The following ARL15 variants were observed in gnomAD, a reference collection of about 807,000 sequenced individuals.
ARL15 encodes ADP-ribosylation factor-like protein 15.
ARL15 carries 19 observed loss-of-function variants against 25.2 expected under a neutral mutation model. The ratio of observed to expected loss-of-function variants is 0.75; its 90% CI spans 0.53 to 1.10. The LOEUF is 1.10. ARL15 is among the 50% of genes least tolerant of loss of function. ARL15 has a pLI of 0.00. For synonymous variants in ARL15, 94 were observed against 86.8 expected, an observed-to-expected ratio of 1.08 and a Z score of -0.46; for missense variants, 220 against 246.0, an observed-to-expected ratio of 0.89 and a Z score of 0.71.
intron 3 of ARL15, among the ~76,000 whole-genome samples, chr5:54,122,868 G>T (rs1354267636): frequency 1.3e-5 from 2 of 151,972 alleles, no homozygotes; most frequent in African/African-American, 4.8e-5. Context: ...TGTCTCCATA[G>T]CTCTACTAAA....
intron 1 of ARL15, among the ~76,000 whole-genome samples, chr5:54,302,107 G>T (rs1758629666): frequency 6.6e-6 from 1 of 152,208 alleles, no homozygotes; most frequent in Admixed American, 6.5e-5. Flanking sequence ...AACTTTCCCA[G>T]TGGGAGCTGC....
chr5:53,901,614 A>G (rs1477670648), intron 4 of ARL15, among the ~76,000 whole-genome samples: 1 of 97,072 alleles, frequency 1.0e-5, no homozygotes, highest in African/African-American at 4.0e-5. Flanking sequence ...GATTCTTTTA[A>G]GTTTTTTTTT....
intron 1 of ARL15, among the ~76,000 whole-genome samples, chr5:54,275,770 T>C (rs792919): frequency 6.6e-6 from 1 of 151,592 alleles, no homozygotes; most frequent in African/African-American, 2.4e-5. Context: ...CTGCAAGCTC[T>C]GCCTCCCCGG....
chr5:53,967,116 A>G (rs1747591195), intron 4 of ARL15, among the ~76,000 whole-genome samples: 1 of 152,234 alleles, frequency 6.6e-6, no homozygotes, highest in Admixed American at 6.5e-5. Flanking sequence ...ACATATTGGA[A>G]TGGAAAAATC....
At chr5:53,924,491 C>T (rs1745957042) in intron 4 of ARL15, among the ~76,000 whole-genome samples, 1 of 152,170 alleles carries the variant, frequency 6.6e-6, no homozygotes, top group Admixed American at 6.5e-5. Context: ...AGGGGACTTA[C>T]AAATCATCTA....
chr5:53,971,806 A>G (rs1200316365), intron 4 of ARL15, among the ~76,000 whole-genome samples: 2 of 152,172 alleles, frequency 1.3e-5, no homozygotes, highest in Non-Finnish European at 2.9e-5. Context: ...ATGTGATGCA[A>G]TTTTTTAGCT....
At chr5:54,008,805 T>C (rs1487520386) in intron 4 of ARL15, among the ~76,000 whole-genome samples, 1 of 152,252 alleles carries the variant, frequency 6.6e-6, no homozygotes, top group East Asian at 1.9e-4. Context: ...TTCTTTCCTC[T>C]GGTAGATTAA....
At chr5:54,254,214 C>T (rs1757309690) in intron 1 of ARL15, among the ~76,000 whole-genome samples, 1 of 152,144 alleles carries the variant, frequency 6.6e-6, no homozygotes, top group Non-Finnish European at 1.5e-5. Flanking sequence ...TAATGAAGAT[C>T]CTTTGTCAAC....
chr5:54,141,306 C>T (rs911688025), intron 3 of ARL15, among the ~76,000 whole-genome samples: 3 of 151,918 alleles, frequency 2.0e-5, no homozygotes, highest in African/African-American at 4.8e-5. Context: ...AACAATTCAG[C>T]TATATACGAT....
intron 1 of ARL15, among the ~76,000 whole-genome samples, chr5:54,279,860 C>A (rs924311406): frequency 6.6e-6 from 1 of 152,172 alleles, no homozygotes; most frequent in Admixed American, 6.5e-5. Context: ...TGGCTTACTG[C>A]AGCAGCCATG....
chr5:54,294,166 T>G (rs1210405138), intron 1 of ARL15, among the ~76,000 whole-genome samples: 1 of 152,202 alleles, frequency 6.6e-6, no homozygotes, highest in East Asian at 1.9e-4. Flanking sequence ...CTGCCTCTCT[T>G]CTTTGAGGAG....
At chr5:54,021,918 A>C (rs762572133) in intron 4 of ARL15, among the ~76,000 whole-genome samples, 1 of 148,970 alleles carries the variant, frequency 6.7e-6, no homozygotes, top group Non-Finnish European at 1.5e-5. Context: ...TCACCTAAAG[A>C]AGAATAAAAA....
At chr5:54,026,252 T>G (rs1352087635) in intron 4 of ARL15, among the ~76,000 whole-genome samples, 1 of 152,102 alleles carries the variant, frequency 6.6e-6, no homozygotes, top group South Asian at 2.1e-4. Context: ...ATACCAAAAT[T>G]ATAGCTTTCA....
At chr5:54,055,996 G>A (rs1750857954) in intron 4 of ARL15, among the ~76,000 whole-genome samples, 1 of 152,076 alleles carries the variant, frequency 6.6e-6, no homozygotes, top group Admixed American at 6.6e-5. Flanking sequence ...AATGTTTATT[G>A]AATTATTGAA....
At chr5:53,923,732 G>A (rs1211188509) in intron 4 of ARL15, among the ~76,000 whole-genome samples, 1 of 152,072 alleles carries the variant, frequency 6.6e-6, no homozygotes, top group Non-Finnish European at 1.5e-5. Flanking sequence ...AGGCGTGGTG[G>A]CGGGCGCCCG....
At chr5:54,173,742 G>A (rs967228737) in intron 1 of ARL15, among the ~76,000 whole-genome samples, 4 of 151,926 alleles carry the variant, frequency 2.6e-5, no homozygotes, top group South Asian at 2.1e-4. Context: ...CTGACCATAC[G>A]TGCTTAAGCC....
At chr5:54,221,745 C>G (rs942062497) in intron 1 of ARL15, among the ~76,000 whole-genome samples, 2 of 151,658 alleles carry the variant, frequency 1.3e-5, no homozygotes, top group African/African-American at 4.8e-5. Context: ...TAAATAAAAT[C>G]TCTGTCAAGC....
chr5:54,077,558 G>T (rs983970384), intron 4 of ARL15, among the ~76,000 whole-genome samples: 1 of 152,108 alleles, frequency 6.6e-6, no homozygotes, highest in Non-Finnish European at 1.5e-5. Context: ...CATTATACGG[G>T]GAAACATGAT....
At chr5:54,007,935 G>A (rs1348322055) in intron 4 of ARL15, among the ~76,000 whole-genome samples, 4 of 152,110 alleles carry the variant, frequency 2.6e-5, no homozygotes, top group African/African-American at 4.8e-5. Context: ...GGAAAGAGAG[G>A]GTTAAATTCT....
Sources: allele counts gnomAD v4.1 joint callset (sites outside exome capture counted in the v4.1 genomes callset), GRCh38; gene constraint gnomAD v4.1.1; transcripts MANE v1.5; gene names NCBI Gene and HGNC (gene_info 2026-07-23, HGNC 2026-07-21).